GAS7: variants seen among roughly 807,000 people sequenced by gnomAD.
GAS7 encodes the protein growth arrest-specific protein 7.
A neutral mutation model predicts 71.1 loss-of-function variants in GAS7; 28 were observed. The observed-to-expected ratio is 0.39, with a 90% CI of 0.29 to 0.54. The LOEUF (loss-of-function observed/expected upper bound fraction) is 0.54. Among genes scored for constraint, GAS7 ranks in the 20% least tolerant of loss-of-function variants. The pLI is 0.62. For missense variants in GAS7, 436 were observed against 627.8 expected, an observed-to-expected ratio of 0.69 and a Z score of 3.27; for synonymous variants, 258 against 245.8, an observed-to-expected ratio of 1.05 and a Z score of -0.46.
At chr17:10,077,104 A>C (rs930362639) in intron 1 of GAS7, among the ~76,000 whole-genome samples, 2 of 152,174 alleles carry the variant, frequency 1.3e-5, no homozygotes, top group African/African-American at 4.8e-5. Flanking sequence ...AAAACTAATA[A>C]AATTTATATA....
At chr17:10,037,187 T>C (rs996500237) in intron 1 of GAS7, among the ~76,000 whole-genome samples, 1 of 152,226 alleles carries the variant, frequency 6.6e-6, no homozygotes, top group Non-Finnish European at 1.5e-5. Context: ...GACAGGCTCA[T>C]GTGAGGTCTC....
chr17:10,047,670 A>G (rs985094197), intron 1 of GAS7, among the ~76,000 whole-genome samples: 1 of 152,218 alleles, frequency 6.6e-6, no homozygotes, highest in Admixed American at 6.5e-5. Context: ...ACAGCAAATC[A>G]TAACAGGAAA....
At chr17:9,955,661 C>T (rs914209098) in intron 5 of GAS7, among the ~76,000 whole-genome samples, 3 of 152,186 alleles carry the variant, frequency 2.0e-5, no homozygotes, top group African/African-American at 7.2e-5. Context: ...CTTTCCAACA[C>T]ACTGAGGTAT....
At chr17:10,158,107 T>G (rs1317175030) in intron 1 of GAS7, among the ~76,000 whole-genome samples, 2 of 152,144 alleles carry the variant, frequency 1.3e-5, no homozygotes, top group African/African-American at 4.8e-5. Flanking sequence ...GCCTCCCAGG[T>G]TGATGCCATC....
chr17:10,034,260 G>A lies in GAS7; in HGVS notation c.184-14363C>T, dbSNP rs1479349699. Reference sequence around the variant, plus strand: ...TCTCTAAAACACGGAAGTTGGACCAGATGGTCTCCAAGGGCTTTCATATAT... The same window carrying A: ...TCTCTAAAACACGGAAGTTGGACCAAATGGTCTCCAAGGGCTTTCATATAT... On this transcript the variant is annotated intron_variant, in intron 1 of 13. Coordinates refer to ENST00000432992, the MANE Select transcript of GAS7 (RefSeq NM_201433.2). This position sits in a 1 kb window ranked among gnomAD's most constrained non-coding sequence, Gnocchi z 4.4. The A allele has an allele frequency of 3.1e-6, 3 of 979,762 alleles. No individual in the cohort carries two copies. The highest frequency in any genetic ancestry group is 3.6e-6 in the Non-Finnish European group (3 of 824,994). 60.7% of individuals were successfully genotyped at this position (979,762 alleles called of 1,614,324 possible). A position where few individuals can be genotyped will look rare whatever the true frequency, so the allele number is the denominator to read the frequency against.
rs1422371174 is a variant in GAS7, at chr17:9,959,205, G to A, written c.522C>T (p.Ile174=). ...GCGCCCCTCGGGAGCCACTTACTGTGATGGTGTTTTCCTTGCTCTGCTTTT... is the reference window on the plus strand; with the variant it reads ...GCGCCCCTCGGGAGCCACTTACTGTAATGGTGTTTTCCTTGCTCTGCTTTT... ...PSKKQSKENT[I]TINCVTFPHP... Residue 174 remains isoleucine (I), a synonymous_variant, in exon 5 of 14, where the codon ATC becomes ATT. Transcript: ENST00000432992. This position sits in a 1 kb window ranked among gnomAD's most constrained non-coding sequence, Gnocchi z 5.0. 6.2e-7 allele frequency: 1 copy of A among 1,614,082 alleles called. No individual in the cohort carries two copies.
At chr17:10,170,025 T>C (rs2074324367) in intron 1 of GAS7, among the ~76,000 whole-genome samples, 1 of 152,062 alleles carries the variant, frequency 6.6e-6, no homozygotes, top group Non-Finnish European at 1.5e-5. Flanking sequence ...CATTACCAAA[T>C]CCCATTGGTC....
At chr17:10,064,311 T>G in intron 1 of GAS7, among the ~76,000 whole-genome samples, 1 of 152,186 alleles carries the variant, frequency 6.6e-6, no homozygotes, top group Non-Finnish European at 1.5e-5. Flanking sequence ...AAGCACACCG[T>G]GGGGGTCTGT....
At chr17:10,169,278 T>A (rs28376901) in intron 1 of GAS7, among the ~76,000 whole-genome samples, 43,253 of 151,590 alleles carry the variant, frequency 0.29, 6,325 homozygotes, top group East Asian at 0.49. Flanking sequence ...AAAAAAAAAA[T>A]TAATTAATAA....
At chr17:10,060,853 CA>C (rs2152242391) in intron 1 of GAS7, among the ~76,000 whole-genome samples, 1 of 152,230 alleles carries the variant, frequency 6.6e-6, no homozygotes, top group Admixed American at 6.5e-5. Flanking sequence ...GTTTCTGAAC[CA>C]GGGGCGACTT....
intron 9 of GAS7, among the ~76,000 whole-genome samples, chr17:9,928,106 TTTTTA>T (rs1329011904): frequency 1.3e-5 from 2 of 151,736 alleles, no homozygotes; most frequent in African/African-American, 4.8e-5. Flanking sequence ...ATTTATTTAT[TTTTTA>T]TTTATTTATT....
At chr17:10,040,847 A>G (rs1440371443) in intron 1 of GAS7, among the ~76,000 whole-genome samples, 1 of 152,166 alleles carries the variant, frequency 6.6e-6, no homozygotes, top group African/African-American at 2.4e-5. Flanking sequence ...CTGTTCTTGG[A>G]GATGGGCTCT....
At chr17:10,150,817 G>T (rs1445201519) in intron 1 of GAS7, among the ~76,000 whole-genome samples, 1 of 151,952 alleles carries the variant, frequency 6.6e-6, no homozygotes, top group Non-Finnish European at 1.5e-5. Context: ...TCGAACTCCT[G>T]ACCTAAAATG....
At chr17:10,105,714 A>G (rs1166564173) in intron 1 of GAS7, among the ~76,000 whole-genome samples, 4 of 152,128 alleles carry the variant, frequency 2.6e-5, no homozygotes, top group Non-Finnish European at 5.9e-5. Flanking sequence ...TCCCAATCGC[A>G]TGAGCCCGTG....
chr17:10,162,151 G>T (rs1038851274), intron 1 of GAS7, among the ~76,000 whole-genome samples: 3 of 150,352 alleles, frequency 2.0e-5, no homozygotes, highest in African/African-American at 7.3e-5. Flanking sequence ...TGCTAATATC[G>T]CCCAGGCACA....
intron 1 of GAS7, among the ~76,000 whole-genome samples, chr17:10,197,302 G>A (rs1393867979): frequency 6.6e-6 from 1 of 152,160 alleles, no homozygotes; most frequent in Non-Finnish European, 1.5e-5. Flanking sequence ...TTACCAGAAT[G>A]TTTAGGAATA....
intron 4 of GAS7, among the ~76,000 whole-genome samples, chr17:9,963,479 AAGAGAG>A (rs146976317): frequency 2.0e-5 from 3 of 150,078 alleles, no homozygotes; most frequent in South Asian, 4.2e-4. Context: ...TTGGTGGGGG[AAGAGAG>A]AGAGAGAGAG....
chr17:10,124,848 G>A (rs770953803), intron 1 of GAS7, among the ~76,000 whole-genome samples: 2 of 152,130 alleles, frequency 1.3e-5, no homozygotes, highest in Non-Finnish European at 2.9e-5. Flanking sequence ...AACCCGGGAG[G>A]TGGAGGTTGC....
intron 3 of GAS7, among the ~76,000 whole-genome samples, chr17:9,977,774 T>C (rs2070263490): frequency 6.6e-6 from 1 of 152,094 alleles, no homozygotes; most frequent in Non-Finnish European, 1.5e-5. Flanking sequence ...GGGAGGACTC[T>C]AGGCATGTTT....
Sources: gnomAD v4.1 joint callset for allele counts (sites outside exome capture counted in the v4.1 genomes callset) on GRCh38, gnomAD v4.1.1 for gene constraint, Gnocchi (gnomAD v3.1) non-coding constraint, MANE v1.5 for transcripts, NCBI Gene and HGNC (gene_info 2026-07-23, HGNC 2026-07-21) for gene names.